ERCC5: variants seen among roughly 807,000 people sequenced by gnomAD.
ERCC5 encodes the protein ERCC excision repair 5, endonuclease, also known as DNA excision repair protein ERCC-5.
A neutral mutation model predicts 105.6 loss-of-function variants in ERCC5; 68 were observed. The observed-to-expected ratio is 0.64, with a 90% CI of 0.53 to 0.79. The LOEUF (loss-of-function observed/expected upper bound fraction) is 0.79, where lower values mean the gene tolerates loss of function less well. ERCC5 is among the 30% of genes least tolerant of loss of function. The pLI, the probability that ERCC5 is intolerant of heterozygous loss-of-function variation, is 0.00. For synonymous variants in ERCC5, 546 were observed against 526.2 expected (o/e 1.04, Z -0.51); for missense variants, 1,373 against 1,426.7 (o/e 0.96, Z 0.61).
chr13:102,847,915 C>G (rs911756563), intron 1 of ERCC5, among the ~76,000 whole-genome samples: 7 of 152,226 alleles, frequency 4.6e-5, no homozygotes, highest in Non-Finnish European at 7.3e-5. Context: ...CATCCCAGCA[C>G]TTTGGGAGGT....
At chr13:102,873,783 A>G (rs1173015314) in intron 14 of ERCC5, among the ~76,000 whole-genome samples, 1 of 152,152 alleles carries the variant, frequency 6.6e-6, no homozygotes, top group African/African-American at 2.4e-5. Flanking sequence ...TCAGTAGGAG[A>G]GGTTTTTGTG....
intron 6 of ERCC5, among the ~76,000 whole-genome samples, chr13:102,860,703 A>G (rs546279402): frequency 1.3e-5 from 2 of 152,218 alleles, no homozygotes; most frequent in African/African-American, 2.4e-5. Flanking sequence ...TCTGTTTCAT[A>G]GGATGATTGT....
Position 102,865,186 on chromosome 13 carries a change from A to C in ERCC5, c.1955-481A>C. 1 of 194,888 alleles carries C rather than the reference A, an allele frequency of 5.1e-6. No homozygotes were observed. The highest frequency in any genetic ancestry group is 1.1e-5 in the Non-Finnish European group (1 of 94,284). The allele number at this position is 194,888 out of a possible 1,614,324, so 12.1% of individuals were successfully genotyped here. ...CTACAGGGAAGGAAGGCAACCATTAAATATATTTTAAGGAGAAGGAAAGAC... is the reference window on the plus strand; with the variant it reads ...CTACAGGGAAGGAAGGCAACCATTACATATATTTTAAGGAGAAGGAAAGAC... On this transcript the variant is annotated intron_variant, in intron 8 of 14. Coordinates refer to ENST00000652225, the MANE Select transcript of ERCC5 (RefSeq NM_000123.4). This position sits in a 1 kb window ranked among gnomAD's most constrained non-coding sequence, Gnocchi z 4.0.
At position 102,875,796 on chromosome 13, in the gene ERCC5, G is replaced by C. The variant is rs775048488; in HGVS notation, c.3454G>C (p.Asp1152His). The change falls in exon 15 of 15, where the codon GAT becomes CAT. Residue 1152 changes from aspartate to histidine, a missense_variant. Physicochemically the swap from Asp to His is moderately conservative, Grantham distance 81. Transcript: ENST00000652225. ...GATTSSSSDS[D>H]DDGGKEKMVL... is the part of the protein sequence containing the mutation. ...GACCACCAGCAGCTCTAGTGATAGT[G>C]ATGACGATGGAGGGAAAGAGAAGAT... 2 of 1,614,090 alleles carry C rather than the reference G, an allele frequency of 1.2e-6. No homozygotes were observed. Among genetic ancestry groups the C allele is most frequent in the Non-Finnish European group, 1.7e-6 (2 of 1,180,036 alleles).
Position 102,847,297 on chromosome 13 carries a change from A to ATTTTTTTTTTTTT in ERCC5, c.88+947_88+959dup, listed in dbSNP as rs35223521. 2.9e-5 allele frequency among the ~76,000 whole-genome samples: 4 copies of ATTTTTTTTTTTTT among 139,446 alleles called. 1 individual carries two copies. The highest frequency in any genetic ancestry group is 3.1e-5 in the Non-Finnish European group (2 of 64,218). 91.5% of individuals were successfully genotyped at this position (139,446 alleles called of 152,430 possible). A position where few individuals can be genotyped will look rare whatever the true frequency, so the allele number is the denominator to read the frequency against. On this transcript the variant is annotated intron_variant, in intron 1 of 14. Coordinates refer to ENST00000652225, the MANE Select transcript of ERCC5 (RefSeq NM_000123.4). Reference sequence around the variant, plus strand: ...TTATCTTTTTCTTTGTTATGTAGTCATTTTTTTTTTTTTTTTGAGTATCTA... The same window carrying ATTTTTTTTTTTTT: ...TTATCTTTTTCTTTGTTATGTAGTCATTTTTTTTTTTTTTTTTTTTTTTTTTTTTGAGTATCTA...
rs1291234289 is a variant in ERCC5, at chr13:102,866,701, C to T, written c.2389C>T (p.Leu797=). The change falls in exon 11 of 15, where the codon CTG becomes TTG. Residue 797 remains leucine (L), a synonymous_variant. Coordinates refer to ENST00000652225, the MANE Select transcript of ERCC5 (RefSeq NM_000123.4). ...GGAAGCAGAGGCGCAGTGCGCCATCCTGGACCTGACTGATCAGACTTCCGG... is the reference window on the plus strand; with the variant it reads ...GGAAGCAGAGGCGCAGTGCGCCATCTTGGACCTGACTGATCAGACTTCCGG... The part of the protein sequence containing the change: ...PMEAEAQCAI[L]DLTDQTSGTI... 1 of 1,614,138 alleles carries T rather than the reference C, an allele frequency of 6.2e-7. No individual in the cohort carries two copies. Among genetic ancestry groups the T allele is most frequent in the African/African-American group, 1.3e-5 (1 of 74,946 alleles).
chr13:102,863,023 A>C lies in ERCC5; in HGVS notation c.1874A>C (p.Glu625Ala). The C allele has an allele frequency of 6.2e-7, 1 of 1,614,216 alleles. No individual in the cohort carries two copies. Among genetic ancestry groups the C allele is most frequent in the Non-Finnish European group, 8.5e-7 (1 of 1,180,036 alleles). Residue 625 changes from glutamate (E) to alanine (A), a missense_variant, in exon 8 of 15, where the codon GAA becomes GCA. Physicochemically the swap from Glu to Ala is moderately radical, Grantham distance 107. Around this residue, in one of 3 missense-constraint regions of ERCC5, gnomAD observed 1,004 missense variants for 1,059.7 expected, o/e 0.95. Coordinates refer to ENST00000652225, the MANE Select transcript of ERCC5 (RefSeq NM_000123.4). ...LETIQEQQTT[E>A]SAGQDLISIP... ...ACCATCCAAGAACAGCAGACCACTG[A>C]ATCTGCAGGCCAGGATTTAATTTCC...
chr13:102,858,200 T>C (rs755262562), intron 5 of ERCC5, 75 bp from the exon 6 acceptor site: 19 of 1,590,012 alleles, frequency 1.2e-5, no homozygotes, highest in Admixed American at 3.4e-5. Context: ...ATAAACATAA[T>C]ACATATCCTT....
At position 102,862,193 on chromosome 13, in the gene ERCC5, G is replaced by A. The variant is rs529430698; in HGVS notation, c.1044G>A (p.Met348Ile). ...CTTCTCCAAGAACTTTACTAGCTAT[G>A]CAAGCTGCCCTGCTGGGAAGTAGCT... Reference protein sequence around the residue: ...TPPSPRTLLAMQAALLGSSSE... With the variant: ...TPPSPRTLLAIQAALLGSSSE... Residue 348 changes from methionine (M) to isoleucine (I), a missense_variant, in exon 8 of 15, where the codon ATG (methionine) becomes ATA (isoleucine). Coordinates refer to ENST00000652225, the MANE Select transcript of ERCC5 (RefSeq NM_000123.4). 4.0e-5 allele frequency: 65 copies of A among 1,614,204 alleles called. No individual in the cohort carries two copies. In the South Asian group the frequency reaches 6.7e-4, roughly 17 times the overall value.
chr13:102,873,209 C>G, intron 13 of ERCC5, 50 bp from the exon 14 acceptor site: 2 of 1,609,866 alleles, frequency 1.2e-6, no homozygotes, highest in East Asian at 2.2e-5. Context: ...TTTTATTTGT[C>G]ACTTGTTTAA....
At chr13:102,868,397 G>T (rs1166001307) in intron 12 of ERCC5, 140 bp downstream of exon 12, 2 of 1,241,260 alleles carry the variant, frequency 1.6e-6, no homozygotes, top group Non-Finnish European at 2.3e-6. Context: ...AGTATTGGTT[G>T]TTTTCCATTT....
chr13:102,873,867 A>G (rs1340688022), intron 14 of ERCC5, among the ~76,000 whole-genome samples: 2 of 152,170 alleles, frequency 1.3e-5, no homozygotes, highest in Admixed American at 6.5e-5. Flanking sequence ...GTATGTTCTG[A>G]CTCACACAAA....
chr13:102,856,146 C>A (rs755909273), intron 5 of ERCC5, 34 bp downstream of exon 5: 1 of 1,585,296 alleles, frequency 6.3e-7, no homozygotes, highest in Non-Finnish European at 8.7e-7. Context: ...AGAATGTATT[C>A]TGTTATTTGA....
Position 102,863,081 on chromosome 13 carries a change from C to G in ERCC5, c.1932C>G (p.Asp644Glu), listed in dbSNP as rs747643071. The G allele has an allele frequency of 6.2e-7, 1 of 1,613,904 alleles. No homozygotes were observed. Among genetic ancestry groups the G allele is most frequent in the South Asian group, 1.1e-5 (1 of 91,072 alleles). Residue 644 changes from aspartate to glutamate, a missense_variant, in exon 8 of 15, where the codon GAC becomes GAG. This residue lies in a region of ERCC5 where 1,004 missense variants were observed against 1,059.7 expected (regional missense o/e 0.95). Coordinates refer to ENST00000652225, the MANE Select transcript of ERCC5 (RefSeq NM_000123.4). ...IPKAVEPMEI[D>E]SEESESDGSF... ...AGGCCGTGGAACCAATGGAAATTGACTCGGAAGAAAGTGAATCTGATGGTA... is the reference window on the plus strand; with the variant it reads ...AGGCCGTGGAACCAATGGAAATTGAGTCGGAAGAAAGTGAATCTGATGGTA...
intron 1 of ERCC5, among the ~76,000 whole-genome samples, chr13:102,847,812 A>C (rs1335187023): frequency 6.6e-6 from 1 of 152,244 alleles, no homozygotes; most frequent in African/African-American, 2.4e-5. Flanking sequence ...AGAACCCTTA[A>C]AACTTCAGCA....
Position 102,875,442 on chromosome 13 carries a change from A to C in ERCC5, c.3100A>C (p.Ile1034Leu). 1.2e-6 allele frequency: 2 copies of C among 1,614,250 alleles called. No homozygotes were observed. The highest frequency in any genetic ancestry group is 3.3e-4 in the Middle Eastern group (2 of 6,062). Residue 1034 changes from isoleucine to leucine, a missense_variant, in exon 15 of 15, where the codon ATA (isoleucine) becomes CTA (leucine). Physicochemically the swap from Ile to Leu is conservative, Grantham distance 5. Around this residue, in one of 3 missense-constraint regions of ERCC5, gnomAD observed 367 missense variants for 350.2 expected, o/e 1.05. Transcript: ENST00000652225. The part of the protein sequence containing the change: ...RKEKEAAASE[I>L]EAVSVAMEKE... ...AGAGAAAGAAGCAGCAGCCAGCGAA[A>C]TAGAAGCAGTTTCTGTTGCCATGGA...
In ERCC5 at chr13:102,865,604, A is replaced by G; in HGVS notation, c.1955-63A>G. ...TTCAGGTTCCTCCAGAAAGCTCTTG[A>G]TGATTGCAGGATCATTTTAATGTTT... On this transcript the variant is annotated intron_variant, in intron 8 of 14. Coordinates refer to ENST00000652225, the MANE Select transcript of ERCC5 (RefSeq NM_000123.4). The surrounding 1 kb of genome is among the most constrained non-coding windows in gnomAD (Gnocchi z 4.0). 1.3e-6 allele frequency: 2 copies of G among 1,599,232 alleles called. No homozygotes were observed. The highest frequency in any genetic ancestry group is 3.4e-5 in the Admixed American group (2 of 58,674).
chr13:102,863,483 G>C (rs1266763826), intron 8 of ERCC5, among the ~76,000 whole-genome samples: 1 of 152,036 alleles, frequency 6.6e-6, no homozygotes, highest in African/African-American at 2.4e-5. Context: ...CATTAGCTTA[G>C]AATTTCTCTT....
In ERCC5 at chr13:102,859,797, T is replaced by C. The variant is rs75014585; in HGVS notation, c.672+1379T>C. ...AATGTAATATTGATAATAGTAGTGATGGTAGGTAATAATAGCAGTAGTAAT... is the reference window on the plus strand; with the variant it reads ...AATGTAATATTGATAATAGTAGTGACGGTAGGTAATAATAGCAGTAGTAAT... On this transcript the variant is annotated intron_variant, in intron 6 of 14. Coordinates refer to ENST00000652225, the MANE Select transcript of ERCC5 (RefSeq NM_000123.4). Among the ~76,000 whole-genome samples the C allele has an allele frequency of 3.4e-4, 52 of 152,300 alleles. No homozygotes were observed. In the East Asian group the frequency reaches 7.7e-3, roughly 23 times the overall value.
Sources: gnomAD v4.1 joint callset for allele counts (sites outside exome capture counted in the v4.1 genomes callset) on GRCh38, gnomAD v4.1.1 for gene constraint, gnomAD v4.1.1 regional missense constraint, Gnocchi (gnomAD v3.1) non-coding constraint, MANE v1.5 for transcripts, NCBI Gene and HGNC (gene_info 2026-07-23, HGNC 2026-07-21) for gene names.